The following TP63 variants were observed in gnomAD, a reference collection of about 807,000 sequenced individuals.
TP63 encodes the protein tumor protein 63.
TP63 carries 17 observed loss-of-function variants against 82.8 expected under a neutral mutation model. The observed-to-expected ratio is 0.21, with a 90% CI of 0.14 to 0.31. The LOEUF (loss-of-function observed/expected upper bound fraction) is 0.31, where lower values mean the gene tolerates loss of function less well. Among genes scored for constraint, TP63 ranks in the 10% least tolerant of loss-of-function variants. The pLI, the probability that TP63 is intolerant of heterozygous loss-of-function variation, is 1.00. For synonymous variants in TP63, 330 were observed against 321.7 expected, an observed-to-expected ratio of 1.03 and a Z score of -0.28; for missense variants, 648 against 895.3, an observed-to-expected ratio of 0.72 and a Z score of 3.52.
intron 4 of TP63, among the ~76,000 whole-genome samples, chr3:189,820,285 C>T (rs1021410906): frequency 3.9e-5 from 6 of 152,196 alleles, no homozygotes; most frequent in South Asian, 4.1e-4. Context: ...TTCTTGCAGT[C>T]TGGTTTTCTC....
intron 1 of TP63, among the ~76,000 whole-genome samples, chr3:189,651,920 T>G (rs928367106): frequency 6.8e-6 from 1 of 147,040 alleles, no homozygotes; most frequent in Non-Finnish European, 1.5e-5. Flanking sequence ...ATGTTGTTGG[T>G]CCTGTTGGTG....
In TP63 at chr3:189,759,340, T is replaced by C. The variant is rs115270923; in HGVS notation, c.324+20566T>C. ...AGTGGTACAATCAAGTGATTTAGTA[T>C]ATATTTTTATGGGAGGGGACAGAAC... On this transcript the variant is annotated intron_variant, in intron 3 of 13. Coordinates refer to ENST00000264731, the MANE Select transcript of TP63 (RefSeq NM_003722.5). 3.0e-3 allele frequency among the ~76,000 whole-genome samples: 458 copies of C among 152,314 alleles called. 2 individuals carry two copies. Among genetic ancestry groups the C allele is most frequent in the African/African-American group, 0.011 (443 of 41,566 alleles).
rs71635306 is a variant in TP63, at chr3:189,643,455, T to TAA, written c.62+11889_62+11890dup. Among the ~76,000 whole-genome samples, 731 of 122,916 alleles carry TAA rather than the reference T, an allele frequency of 5.9e-3. 3 individuals carry two copies. Among genetic ancestry groups the TAA allele is most frequent in the Admixed American group, 7.8e-3 (82 of 10,564 alleles). The allele number at this position is 122,916 out of a possible 152,430, so 80.6% of individuals were successfully genotyped here. On this transcript the variant is annotated intron_variant, in intron 1 of 13. Transcript: ENST00000264731. ...TTCAAAAGCTATCCTTTAAACTGAT[T>TAA]AAAAAAAAAAAACCCTCAATGCTTT...
At chr3:189,678,160 T>G (rs1715607968) in intron 1 of TP63, among the ~76,000 whole-genome samples, 1 of 152,112 alleles carries the variant, frequency 6.6e-6, no homozygotes, top group African/African-American at 2.4e-5. Flanking sequence ...AGTCATAAAT[T>G]ATTTGTCAAG....
rs1354774967 is a variant in TP63, at chr3:189,864,219, C to T, written c.580-13C>T. The T allele has an allele frequency of 2.5e-6, 4 of 1,614,146 alleles. No homozygotes were observed. The highest frequency in any genetic ancestry group is 1.1e-5 in the South Asian group (1 of 91,084). On this transcript the variant is annotated splice_polypyrimidine_tract_variant and intron_variant, in intron 4 of 13. Coordinates refer to ENST00000264731, the MANE Select transcript of TP63 (RefSeq NM_003722.5). ...CTCTCCTTCCTTTCTCCACTGGCCC[C>T]AACTCTAAGCAGTATTCCACTGAAC... is the stretch of plus-strand genomic sequence containing the variant.
intron 4 of TP63, among the ~76,000 whole-genome samples, chr3:189,835,964 A>G (rs6444401): frequency 0.65 from 92,211 of 141,386 alleles, 29,863 homozygotes; most frequent in Admixed American, 0.74. Flanking sequence ...TAATAATAAT[A>G]ATAATGTAAA....
intron 1 of TP63, among the ~76,000 whole-genome samples, chr3:189,711,390 A>T (rs1334808720): frequency 6.6e-6 from 1 of 152,166 alleles, no homozygotes; most frequent in East Asian, 1.9e-4. Context: ...TTTTGTGTTT[A>T]CAATGACAAC....
intron 3 of TP63, among the ~76,000 whole-genome samples, chr3:189,775,220 CAAAAAAAAAA>C (rs56288032): frequency 1.1e-5 from 1 of 93,060 alleles, no homozygotes; most frequent in Admixed American, 1.2e-4. Flanking sequence ...AACTCTGTCT[CAAAAAAAAAA>C]AAAAAAAAAA....
chr3:189,711,650 C>T (rs978999423), intron 1 of TP63, among the ~76,000 whole-genome samples: 3 of 152,052 alleles, frequency 2.0e-5, no homozygotes, highest in Non-Finnish European at 4.4e-5. Flanking sequence ...GGGTAGAGAA[C>T]GGAGAAATTC....
chr3:189,807,740 C>T (rs1727068385), intron 3 of TP63, among the ~76,000 whole-genome samples: 1 of 152,192 alleles, frequency 6.6e-6, no homozygotes, highest in South Asian at 2.1e-4. Context: ...CTGGGTGGTA[C>T]ACTCTTGGTA....
chr3:189,634,730 A>C (rs1280225646), intron 1 of TP63, among the ~76,000 whole-genome samples: 1 of 152,110 alleles, frequency 6.6e-6, no homozygotes. Flanking sequence ...AAATTATAAA[A>C]GTTCAATAAA....
At chr3:189,733,439 A>G (rs141627471) in intron 1 of TP63, among the ~76,000 whole-genome samples, 5 of 152,304 alleles carry the variant, frequency 3.3e-5, no homozygotes, top group Non-Finnish European at 7.3e-5. Flanking sequence ...ACACACTAAT[A>G]TCATTATTGT....
chr3:189,764,482 A>G (rs926223194), intron 3 of TP63, among the ~76,000 whole-genome samples: 11 of 152,202 alleles, frequency 7.2e-5, no homozygotes, highest in Non-Finnish European at 1.6e-4. Flanking sequence ...TAGTGTGTGC[A>G]GTATAAGCTT....
At chr3:189,871,843 C>A (rs1285090658) in intron 9 of TP63, among the ~76,000 whole-genome samples, 1 of 152,158 alleles carries the variant, frequency 6.6e-6, no homozygotes, top group Non-Finnish European at 1.5e-5. Flanking sequence ...CACCTCACCT[C>A]CCCAGGTAGC....
In TP63 at chr3:189,783,205, T is replaced by G. The variant is rs180718613; in HGVS notation, c.325-25067T>G. Among the ~76,000 whole-genome samples the G allele has an allele frequency of 1.2e-3, 182 of 152,058 alleles. 1 individual carries two copies. The highest frequency in any genetic ancestry group is 3.4e-3 in the Middle Eastern group (1 of 290). On this transcript the variant is annotated intron_variant, in intron 3 of 13. Coordinates refer to ENST00000264731, the MANE Select transcript of TP63 (RefSeq NM_003722.5). ...ATTTAACATAATGCATTCAATGAACTGAGAACGTACTCATTTTAGCAGATT... is the reference window on the plus strand; with the variant it reads ...ATTTAACATAATGCATTCAATGAACGGAGAACGTACTCATTTTAGCAGATT...
At chr3:189,833,542 A>C (rs2108715319) in intron 4 of TP63, among the ~76,000 whole-genome samples, 1 of 152,344 alleles carries the variant, frequency 6.6e-6, no homozygotes, top group South Asian at 2.1e-4. Flanking sequence ...TGAGAAGTGA[A>C]CTTGAGACCT....
intron 2 of TP63, among the ~76,000 whole-genome samples, chr3:189,738,376 C>T (rs1009480023): frequency 6.6e-6 from 1 of 152,236 alleles, no homozygotes. Flanking sequence ...CAGATACATC[C>T]GTTATTTCCT....
At position 189,631,545 on chromosome 3, in the gene TP63, C is replaced by T. The variant is rs764188703; in HGVS notation, c.30C>T (p.Thr10=). 3 of 1,612,720 alleles carry T rather than the reference C, an allele frequency of 1.9e-6. No homozygotes were observed. The highest frequency in any genetic ancestry group is 2.2e-5 in the East Asian group (1 of 44,848). The change falls in exon 1 of 14, where the codon ACC becomes ACT. Residue 10 remains threonine, a synonymous_variant. Coordinates refer to ENST00000264731, the MANE Select transcript of TP63 (RefSeq NM_003722.5). ...ATTTTGAAACTTCACGGTGTGCCAC[C>T]CTACAGTACTGCCCTGACCCTTACA... MNFETSRCA[T]LQYCPDPYIQ...
Position 189,734,863 on chromosome 3 carries a change from A to G in TP63, c.63-2877A>G, listed in dbSNP as rs578203018. On this transcript the variant is annotated intron_variant, in intron 1 of 13. Coordinates refer to ENST00000264731, the MANE Select transcript of TP63 (RefSeq NM_003722.5). ...CTATTCCAGGATTTCTTACCATGCCATTCCCTTTCTTTCCAGGATCTTGAA... is the reference window on the plus strand; with the variant it reads ...CTATTCCAGGATTTCTTACCATGCCGTTCCCTTTCTTTCCAGGATCTTGAA... 3.3e-5 allele frequency among the ~76,000 whole-genome samples: 5 copies of G among 152,198 alleles called. 1 individual carries two copies. In the East Asian group the frequency reaches 9.7e-4, roughly 29 times the overall value.
Sources: gnomAD v4.1 joint callset for allele counts (sites outside exome capture counted in the v4.1 genomes callset) on GRCh38, gnomAD v4.1.1 for gene constraint, MANE v1.5 for transcripts, NCBI Gene and HGNC (gene_info 2026-07-23, HGNC 2026-07-21) for gene names.